ICA1L: variants seen among roughly 807,000 people sequenced by gnomAD.
The protein encoded by ICA1L is islet cell autoantigen 1 like.
A neutral mutation model predicts 61.3 loss-of-function variants in ICA1L; 50 were observed. That is an observed-to-expected ratio of 0.82 (90% CI 0.65 to 1.03). ICA1L has a LOEUF of 1.03. ICA1L is among the 50% of genes least tolerant of loss of function. The pLI is 0.00. For synonymous variants in ICA1L, 161 were observed against 191.3 expected (o/e 0.84, Z 1.31); for missense variants, 508 against 556.7 (o/e 0.91, Z 0.88).
intron 12 of ICA1L, among the ~76,000 whole-genome samples, chr2:202,784,529 T>C (rs150267314): frequency 2.0e-5 from 3 of 152,294 alleles, no homozygotes; most frequent in Non-Finnish European, 2.9e-5. Flanking sequence ...CAGCAGAGTA[T>C]TGACCAGTGA....
Position 202,821,470 on chromosome 2 carries a change from C to G in ICA1L, c.247G>C (p.Glu83Gln). ...AAAAAGAGCCCTAGCTCATTTTCTTCCTCTGATATAACTAGGAAAAAAATT... is the reference window on the plus strand; with the variant it reads ...AAAAAGAGCCCTAGCTCATTTTCTTGCTCTGATATAACTAGGAAAAAAATT... ...YQLRLNVISE[E>Q]ENELGLFLKF... Residue 83 changes from glutamate to glutamine, a missense_variant, in exon 4 of 13, where the codon GAA becomes CAA. Physicochemically the swap from Glu to Gln is conservative, Grantham distance 29 (BLOSUM62 2). Coordinates refer to ENST00000358299, the MANE Select transcript of ICA1L (RefSeq NM_001288622.3). The G allele has an allele frequency of 6.2e-7, 1 of 1,608,804 alleles. No individual in the cohort carries two copies.
chr2:202,867,919 T>G (rs1438751909), intron 1 of ICA1L, among the ~76,000 whole-genome samples: 1 of 152,226 alleles, frequency 6.6e-6, no homozygotes, highest in Non-Finnish European at 1.5e-5. Context: ...CCAGCTTTAT[T>G]CAAAATGGCC....
chr2:202,797,438 T>G (rs1051672788), intron 9 of ICA1L, among the ~76,000 whole-genome samples: 10 of 152,326 alleles, frequency 6.6e-5, no homozygotes, highest in South Asian at 4.1e-4. Context: ...ATACAACATG[T>G]TGTTTTGATA....
At chr2:202,843,223 C>T (rs1694376913) in intron 1 of ICA1L, among the ~76,000 whole-genome samples, 1 of 151,978 alleles carries the variant, frequency 6.6e-6, no homozygotes. Flanking sequence ...AATGTCTGTG[C>T]TCTTAGTGGA....
At chr2:202,786,109 T>G (rs1692570810) in intron 11 of ICA1L, 102 bp from the exon 12 acceptor site, 1 of 682,282 alleles carries the variant, frequency 1.5e-6, no homozygotes, top group Admixed American at 2.5e-5. Flanking sequence ...AGTCTTTGTA[T>G]CTGGGTAAGA....
chr2:202,867,940 A>C (rs930054135), intron 1 of ICA1L, among the ~76,000 whole-genome samples: 1 of 152,208 alleles, frequency 6.6e-6, no homozygotes. Flanking sequence ...AAAAATTAGA[A>C]TATCTATTAA....
chr2:202,850,128 C>A (rs1694578757), intron 1 of ICA1L, among the ~76,000 whole-genome samples: 1 of 151,994 alleles, frequency 6.6e-6, no homozygotes, highest in African/African-American at 2.4e-5. Context: ...ATACAAAAAC[C>A]CCATCCAAAG....
chr2:202,838,908 G>A (rs1035970683), intron 1 of ICA1L, among the ~76,000 whole-genome samples: 4 of 152,118 alleles, frequency 2.6e-5, no homozygotes, highest in Admixed American at 2.6e-4. Context: ...AGTAAGAGAA[G>A]AAGGGCGAGG....
At chr2:202,788,321 C>G (rs1038514023) in intron 11 of ICA1L, among the ~76,000 whole-genome samples, 4 of 152,050 alleles carry the variant, frequency 2.6e-5, no homozygotes, top group African/African-American at 9.7e-5. Flanking sequence ...AAATTTGAGA[C>G]AGGTTTCAGA....
In ICA1L at chr2:202,817,801, A is replaced by C. The variant is rs373317355; in HGVS notation, c.559-258T>G. 4.7e-4 allele frequency among the ~76,000 whole-genome samples: 71 copies of C among 152,334 alleles called. 1 individual carries two copies. The East Asian group carries it at 5.2e-3, about 11-fold the overall frequency. On this transcript the variant is annotated intron_variant, in intron 5 of 12. Transcript: ENST00000358299. Reference sequence around the variant, plus strand: ...ATGAGATAATAGATGGAAAGCAAATAGTTTTTTAAAAAGTATTCCAAATAA... The same window carrying C: ...ATGAGATAATAGATGGAAAGCAAATCGTTTTTTAAAAAGTATTCCAAATAA...
intron 10 of ICA1L, among the ~76,000 whole-genome samples, chr2:202,791,840 T>C (rs1443945443): frequency 6.6e-6 from 1 of 150,848 alleles, no homozygotes; most frequent in Admixed American, 6.6e-5. Context: ...AGCAAAACTC[T>C]TGTCTCAAAA....
intron 1 of ICA1L, among the ~76,000 whole-genome samples, chr2:202,861,668 C>CT (rs1211862423): frequency 2.0e-5 from 3 of 151,520 alleles, no homozygotes; most frequent in African/African-American, 4.8e-5. Flanking sequence ...GGGCGGATCA[C>CT]TTGAGGTTAG....
chr2:202,864,221 T>C (rs2105891822), intron 1 of ICA1L, among the ~76,000 whole-genome samples: 1 of 152,174 alleles, frequency 6.6e-6, no homozygotes, highest in Non-Finnish European at 1.5e-5. Flanking sequence ...CAAACAGACA[T>C]TACAAGAAAA....
chr2:202,862,272 CAAA>C (rs778355110), intron 1 of ICA1L, among the ~76,000 whole-genome samples: 6 of 62,974 alleles, frequency 9.5e-5, no homozygotes, highest in African/African-American at 5.0e-4. Context: ...CTCATTTCTA[CAAA>C]AAAAAAAAAA....
chr2:202,831,669 G>C (rs1250199621), intron 1 of ICA1L, among the ~76,000 whole-genome samples: 1 of 152,130 alleles, frequency 6.6e-6, no homozygotes, highest in Non-Finnish European at 1.5e-5. Flanking sequence ...CATCTGATTG[G>C]ACAGCAAAAA....
At chr2:202,786,393 C>T (rs374775413) in intron 11 of ICA1L, among the ~76,000 whole-genome samples, 63 of 150,714 alleles carry the variant, frequency 4.2e-4, no homozygotes, top group African/African-American at 1.4e-3. Flanking sequence ...AAAAAAAATA[C>T]AAAAAATTAG....
At chr2:202,841,751 T>C (rs978113755) in intron 1 of ICA1L, 4 of 471,536 alleles carry the variant, frequency 8.5e-6, no homozygotes, top group Non-Finnish European at 1.2e-5. Flanking sequence ...GTGGACACCT[T>C]GTAGGACTTC....
intron 6 of ICA1L, among the ~76,000 whole-genome samples, chr2:202,816,378 A>C (rs78103119): frequency 0.013 from 1,983 of 152,340 alleles, 40 homozygotes; most frequent in African/African-American, 0.045. Context: ...ACATATGTGT[A>C]ATCTTTATGT....
intron 1 of ICA1L, among the ~76,000 whole-genome samples, chr2:202,851,973 G>C (rs1018314348): frequency 4.6e-5 from 7 of 152,140 alleles, no homozygotes; most frequent in Non-Finnish European, 1.0e-4. Flanking sequence ...TCATTCTCAT[G>C]GTAGTTTCTT....
Sources: allele counts gnomAD v4.1 joint callset (sites outside exome capture counted in the v4.1 genomes callset), GRCh38; gene constraint gnomAD v4.1.1; transcripts MANE v1.5; gene names NCBI Gene and HGNC (gene_info 2026-07-23, HGNC 2026-07-21).